The following ALOX5AP variants were observed in gnomAD, a reference collection of about 807,000 sequenced individuals.
The protein encoded by ALOX5AP is arachidonate 5-lipoxygenase-activating protein.
Under a neutral mutation model 18.5 loss-of-function variants are expected in ALOX5AP, and 9 were observed. The observed-to-expected ratio is 0.49, with a 90% CI of 0.29 to 0.85. The LOEUF (loss-of-function observed/expected upper bound fraction) is 0.85. Ranked by LOEUF, ALOX5AP falls within the 40% of genes least tolerant of loss-of-function variation. The probability of loss-of-function intolerance (pLI) is 0.08; values close to 1 mark genes in which losing one functional copy is unlikely to be tolerated. For synonymous variants in ALOX5AP, 81 were observed against 78.6 expected (o/e 1.03, Z -0.16); for missense variants, 172 against 202.5 (o/e 0.85, Z 0.91).
chr13:30,750,140 G>A (rs547310477), intron 2 of ALOX5AP, among the ~76,000 whole-genome samples: 8 of 152,268 alleles, frequency 5.3e-5, no homozygotes, highest in African/African-American at 1.9e-4. Context: ...TTTCTAACAT[G>A]TTCTCGATGC....
At position 30,736,073 on chromosome 13, in the gene ALOX5AP, T is replaced by C. The variant is rs1169470393; in HGVS notation, c.70+398T>C. 5.9e-5 allele frequency among the ~76,000 whole-genome samples: 9 copies of C among 152,340 alleles called. No individual in the cohort carries two copies. In the East Asian group the frequency reaches 1.5e-3, roughly 26 times the overall value. On this transcript the variant is annotated intron_variant, in intron 1 of 4. Transcript: ENST00000380490. ...ACTCAGATACTGGGCTTTTCTAACA[T>C]CTGCAGTGCAATTGAAGTTACCAGT...
At chr13:30,747,572 G>C (rs1474626299) in intron 2 of ALOX5AP, among the ~76,000 whole-genome samples, 1 of 152,208 alleles carries the variant, frequency 6.6e-6, no homozygotes, top group Non-Finnish European at 1.5e-5. Context: ...AAAAATCCTT[G>C]TTAGCTGACC....
intron 4 of ALOX5AP, among the ~76,000 whole-genome samples, chr13:30,763,454 A>G (rs925307052): frequency 6.6e-6 from 1 of 152,254 alleles, no homozygotes; most frequent in Non-Finnish European, 1.5e-5. Flanking sequence ...AGGAGAATAG[A>G]ATGAGCCCTC....
intron 1 of ALOX5AP, among the ~76,000 whole-genome samples, chr13:30,742,803 G>A (rs9551960): frequency 0.47 from 70,144 of 150,484 alleles, 18,826 homozygotes; most frequent in East Asian, 0.65. Flanking sequence ...TTTCACTCTT[G>A]AAAAAGGAGT....
chr13:30,714,409 C>T (rs145730720), intron 1 of ALOX5AP, among the ~76,000 whole-genome samples: 2 of 152,060 alleles, frequency 1.3e-5, no homozygotes, highest in Non-Finnish European at 2.9e-5. Flanking sequence ...GGAGACCTGA[C>T]GGGTCGATGT....
At chr13:30,736,792 A>G (rs1431989540) in intron 1 of ALOX5AP, among the ~76,000 whole-genome samples, 1 of 152,256 alleles carries the variant, frequency 6.6e-6, no homozygotes, top group East Asian at 1.9e-4. Flanking sequence ...ATACTAAATT[A>G]CACACAACAA....
upstream of ALOX5AP, among the ~76,000 whole-genome samples, chr13:30,732,490 C>T (rs1224864923): frequency 1.3e-5 from 2 of 152,190 alleles, no homozygotes; most frequent in Admixed American, 1.3e-4. Flanking sequence ...ATACACTTCT[C>T]ACTCCCTCCT....
chr13:30,730,867 C>A (rs1951675671), upstream of ALOX5AP, among the ~76,000 whole-genome samples: 1 of 152,206 alleles, frequency 6.6e-6, no homozygotes, highest in African/African-American at 2.4e-5. Context: ...TCTCTGTTGA[C>A]AAATGGTTGT....
Position 30,745,765 on chromosome 13 carries a change from C to T in ALOX5AP, c.170+1606C>T, listed in dbSNP as rs540692503. Among the ~76,000 whole-genome samples the T allele has an allele frequency of 2.6e-5, 4 of 152,300 alleles. No individual in the cohort carries two copies. In the East Asian group the frequency reaches 7.7e-4, roughly 29 times the overall value. On this transcript the variant is annotated intron_variant, in intron 2 of 4. Transcript: ENST00000380490. The stretch of plus-strand genomic sequence containing the variant: ...TACTAGAGTCCCGCCTTGGACACAT[C>T]CACATGCAAGAGGTGCAAAGAAGGT...
rs76512860 is a variant in ALOX5AP at position 30,730,298 on chromosome 13, C to A, written c.117-5253C>A. ...AGCTAGCTGTTCATGGAAGGAAAGC[C>A]CACCTGATTGTGGCCAGGGAAGGAG... On this transcript the variant is annotated intron_variant, in intron 1 of 5. Coordinates refer to the ALOX5AP transcript ENST00000617770. Among the ~76,000 whole-genome samples the A allele has an allele frequency of 1.2e-3, 183 of 152,246 alleles. 2 individuals carry two copies. The East Asian group carries it at 0.034, about 28-fold the overall frequency.
intron 1 of ALOX5AP, among the ~76,000 whole-genome samples, chr13:30,725,269 A>G (rs1951630714): frequency 6.6e-6 from 1 of 152,194 alleles, no homozygotes; most frequent in Admixed American, 6.5e-5. Context: ...GCATATGGAT[A>G]CCTCTGAACA....
rs369636483 is a variant in ALOX5AP, at chr13:30,713,841, GGT to G, written c.116+14_116+15del. ...ATTGGGAACATAAGCCATCAGTGCT[GGT>G]GTGTGTGTGTGTGCGCGCACACGCG... On this transcript the variant is annotated splice_donor_variant, in intron 1 of 5. Coordinates refer to the ALOX5AP transcript ENST00000617770. LOFTEE classifies it high-confidence loss of function. 10 of 1,436,734 alleles carry G rather than the reference GGT, an allele frequency of 7.0e-6. No individual in the cohort carries two copies. Among genetic ancestry groups the G allele is most frequent in the African/African-American group, 3.0e-5 (2 of 66,348 alleles). The allele number at this position is 1,436,734 out of a possible 1,614,324, so 89.0% of individuals were successfully genotyped here.
At chr13:30,760,048 A>G (rs1323635743) in intron 4 of ALOX5AP, among the ~76,000 whole-genome samples, 1 of 152,204 alleles carries the variant, frequency 6.6e-6, no homozygotes, top group African/African-American at 2.4e-5. Flanking sequence ...ATATTTGCAG[A>G]GGTCCTTATT....
intron 4 of ALOX5AP, among the ~76,000 whole-genome samples, chr13:30,761,054 C>T (rs766611938): frequency 4.1e-4 from 63 of 152,328 alleles, no homozygotes; most frequent in Non-Finnish European, 5.4e-4. Context: ...GGGTCAGGTT[C>T]GGTATCTGCC....
chr13:30,744,275 C>T, intron 2 of ALOX5AP, 116 bp downstream of exon 2: 2 of 896,758 alleles, frequency 2.2e-6, no homozygotes, highest in South Asian at 2.9e-5. Context: ...TTCTGAGCGC[C>T]AGGGAGGTGA....
intron 1 of ALOX5AP, among the ~76,000 whole-genome samples, chr13:30,729,311 G>A (rs907879688): frequency 5.3e-5 from 8 of 152,060 alleles, no homozygotes; most frequent in African/African-American, 1.9e-4. Context: ...TACAATTTGT[G>A]TGATTTTTTG....
At chr13:30,738,044 C>T (rs1447731899) in intron 1 of ALOX5AP, among the ~76,000 whole-genome samples, 2 of 152,136 alleles carry the variant, frequency 1.3e-5, no homozygotes, top group Non-Finnish European at 2.9e-5. Flanking sequence ...TCCTCATACC[C>T]CAAAATGCCA....
At chr13:30,740,885 T>C (rs372410028) in intron 1 of ALOX5AP, among the ~76,000 whole-genome samples, 18 of 152,102 alleles carry the variant, frequency 1.2e-4, no homozygotes, top group African/African-American at 3.6e-4. Context: ...CTCGGTTCTC[T>C]GAGCAAGGAG....
chr13:30,760,927 T>C (rs1011913020), intron 4 of ALOX5AP, among the ~76,000 whole-genome samples: 5 of 152,066 alleles, frequency 3.3e-5, no homozygotes, highest in Admixed American at 1.3e-4. Flanking sequence ...AATAGAAACA[T>C]GAAAGAGATG....
Sources: allele counts gnomAD v4.1 joint callset (sites outside exome capture counted in the v4.1 genomes callset), GRCh38; gene constraint gnomAD v4.1.1; transcripts MANE v1.5; gene names NCBI Gene and HGNC (gene_info 2026-07-23, HGNC 2026-07-21).